The following PTPN13 variants were observed in gnomAD, a reference collection of about 807,000 sequenced individuals.
The protein encoded by PTPN13 is tyrosine-protein phosphatase non-receptor type 13.
In PTPN13, 191 loss-of-function variants were observed where a neutral mutation model predicts 284.0. The observed-to-expected ratio is 0.67, with a 90% CI of 0.60 to 0.76. PTPN13 has a LOEUF of 0.76. PTPN13 is among the 30% of genes least tolerant of loss of function. The pLI, the probability that PTPN13 is intolerant of heterozygous loss-of-function variation, is 0.00. For synonymous variants in PTPN13, 986 were observed against 1,022.3 expected (o/e 0.96, Z 0.68); for missense variants, 2,797 against 2,939.9 (o/e 0.95, Z 1.12).
intron 42 of PTPN13, among the ~76,000 whole-genome samples, chr4:86,799,792 T>A (rs1161055185): frequency 6.6e-6 from 1 of 151,578 alleles, no homozygotes; most frequent in Non-Finnish European, 1.5e-5. Context: ...GAAGTCATAA[T>A]TTTGCCATTC....
intron 16 of PTPN13, 120 bp from the exon 17 acceptor site, chr4:86,744,846 A>G: frequency 1.3e-6 from 1 of 756,716 alleles, no homozygotes; most frequent in Non-Finnish European, 2.1e-6. Context: ...TTGTTAAGTG[A>G]TGCATGACTA....
chr4:86,655,240 C>A (rs1386689521), intron 2 of PTPN13, among the ~76,000 whole-genome samples: 2 of 152,130 alleles, frequency 1.3e-5, no homozygotes, highest in South Asian at 2.1e-4. Flanking sequence ...AGCCCATTTA[C>A]ATTTAAGGTT....
chr4:86,774,994 G>A (rs190568176), intron 33 of PTPN13, among the ~76,000 whole-genome samples, 177 bp from the exon 34 acceptor site: 632 of 152,132 alleles, frequency 4.2e-3, no homozygotes, highest in Non-Finnish European at 5.8e-3. Context: ...TGGCTTGATC[G>A]TTGTGCCTAT....
rs1371412267 is a variant in PTPN13 at position 86,809,757 on chromosome 4, A to G, written c.7084-12A>G. On this transcript the variant is annotated splice_polypyrimidine_tract_variant and intron_variant, in intron 45 of 47. Transcript: ENST00000411767. The stretch of plus-strand genomic sequence containing the variant: ...CATGTCATGATCCACTTATTCTGTT[A>G]TACAATTTCAGACCAGAGAGGTGCG... 5 of 1,608,224 alleles carry G rather than the reference A, an allele frequency of 3.1e-6. No individual in the cohort carries two copies. The East Asian group carries it at 1.1e-4, about 36-fold the overall frequency.
At chr4:86,813,239 GA>G (rs1745434924) in intron 47 of PTPN13, among the ~76,000 whole-genome samples, 1 of 152,100 alleles carries the variant, frequency 6.6e-6, no homozygotes, top group Admixed American at 6.5e-5. Context: ...TATTTTAAAT[GA>G]GATTCAACTG....
intron 1 of PTPN13, among the ~76,000 whole-genome samples, chr4:86,628,649 C>A (rs1437404004): frequency 8.9e-6 from 1 of 112,720 alleles, no homozygotes; most frequent in Non-Finnish European, 1.8e-5. Flanking sequence ...CTATCCCTCC[C>A]CCCTCCCCCG....
At chr4:86,762,577 G>C (rs1362984038) in intron 23 of PTPN13, 150 bp from the exon 24 acceptor site, 6 of 626,610 alleles carry the variant, frequency 9.6e-6, no homozygotes, top group Non-Finnish European at 1.4e-5. Flanking sequence ...AAAGGAGAAA[G>C]CAAAGAAAGT....
At chr4:86,712,422 A>G (rs1231618254) in intron 7 of PTPN13, among the ~76,000 whole-genome samples, 1 of 151,722 alleles carries the variant, frequency 6.6e-6, no homozygotes, top group Non-Finnish European at 1.5e-5. Flanking sequence ...CTCCATATAT[A>G]CCACTGCAAG....
At chr4:86,716,910 G>A (rs1733091178) in intron 8 of PTPN13, 114 bp from the exon 9 acceptor site, 4 of 709,834 alleles carry the variant, frequency 5.6e-6, no homozygotes, top group Middle Eastern at 6.9e-4. Context: ...CATTAATTTT[G>A]TTCTGTGGAT....
chr4:86,676,900 G>T (rs1728332379), intron 3 of PTPN13, among the ~76,000 whole-genome samples: 1 of 152,130 alleles, frequency 6.6e-6, no homozygotes, highest in African/African-American at 2.4e-5. Flanking sequence ...TGAGTATAGA[G>T]TTTTAGTTTT....
rs547810303 is a variant in PTPN13, at chr4:86,635,132, A to G, written c.-5-120A>G. On this transcript the variant is annotated intron_variant, in intron 1 of 47. Coordinates refer to ENST00000411767, the MANE Select transcript of PTPN13 (RefSeq NM_080683.3). ...TAAGATAACATTTAGATTGGTAGCC[A>G]TATTGAGAAATTAGGTAGACAGGGG... 18 of 1,052,212 alleles carry G rather than the reference A, an allele frequency of 1.7e-5. No individual in the cohort carries two copies. In the South Asian group the frequency reaches 2.7e-4, roughly 16 times the overall value. 65.2% of individuals were successfully genotyped at this position (1,052,212 alleles called of 1,614,324 possible).
intron 1 of PTPN13, among the ~76,000 whole-genome samples, chr4:86,614,859 A>G (rs1288447309): frequency 3.9e-5 from 6 of 152,120 alleles, no homozygotes; most frequent in African/African-American, 1.4e-4. Context: ...TAAAAATTAT[A>G]CTTGGTTTTT....
At chr4:86,665,819 G>A (rs1419514733) in intron 2 of PTPN13, among the ~76,000 whole-genome samples, 1 of 152,056 alleles carries the variant, frequency 6.6e-6, no homozygotes, top group East Asian at 1.9e-4. Flanking sequence ...TATGCTCTTT[G>A]TCTTCTGTGG....
chr4:86,792,596 T>C (rs150360342), intron 40 of PTPN13, among the ~76,000 whole-genome samples: 23 of 152,096 alleles, frequency 1.5e-4, no homozygotes, highest in Admixed American at 3.3e-4. Context: ...AAATGTTAAG[T>C]GTGCAGCCAG....
intron 23 of PTPN13, among the ~76,000 whole-genome samples, chr4:86,760,530 A>G (rs1738551476): frequency 6.6e-6 from 1 of 152,178 alleles, no homozygotes; most frequent in African/African-American, 2.4e-5. Context: ...GTGATGTGCA[A>G]GACAAAAAAC....
chr4:86,657,955 G>C (rs760535361), intron 2 of PTPN13, among the ~76,000 whole-genome samples: 14 of 152,184 alleles, frequency 9.2e-5, no homozygotes, highest in Non-Finnish European at 1.9e-4. Flanking sequence ...GCCACAGTTG[G>C]TTTTGCCCTG....
At chr4:86,631,726 A>G (rs999444754) in intron 1 of PTPN13, among the ~76,000 whole-genome samples, 8 of 152,300 alleles carry the variant, frequency 5.3e-5, no homozygotes, top group African/African-American at 1.7e-4. Context: ...ACCCGATTCA[A>G]TCAAGCAACA....
intron 7 of PTPN13, among the ~76,000 whole-genome samples, chr4:86,706,350 T>C (rs919570441): frequency 2.0e-5 from 3 of 152,190 alleles, no homozygotes; most frequent in African/African-American, 4.8e-5. Flanking sequence ...GCCTGGGACA[T>C]TGGACATTCA....
At chr4:86,807,449 T>A in intron 44 of PTPN13, 111 bp from the exon 45 acceptor site, 1 of 788,284 alleles carries the variant, frequency 1.3e-6, no homozygotes, top group Non-Finnish European at 2.1e-6. Flanking sequence ...CGTTGGTGAT[T>A]TCATCTGTGA....
Sources: gnomAD v4.1 joint callset for allele counts (sites outside exome capture counted in the v4.1 genomes callset) on GRCh38, gnomAD v4.1.1 for gene constraint, MANE v1.5 for transcripts, NCBI Gene and HGNC (gene_info 2026-07-23, HGNC 2026-07-21) for gene names.